STK35: variants seen among roughly 807,000 people sequenced by gnomAD.
STK35 encodes the protein serine/threonine kinase 35.
Under a neutral mutation model 37.3 loss-of-function variants are expected in STK35, and 17 were observed. That is an observed-to-expected ratio of 0.46 (90% confidence interval 0.31 to 0.68). The LOEUF is 0.68. Ranked by LOEUF, STK35 falls within the 30% of genes least tolerant of loss-of-function variation. The probability of loss-of-function intolerance (pLI) is 0.05; values close to 1 mark genes in which losing one functional copy is unlikely to be tolerated. For missense variants in STK35, 595 were observed against 746.7 expected (o/e 0.80, Z 2.37); for synonymous variants, 385 against 319.1 (o/e 1.21, Z -2.20).
intron 3 of STK35, among the ~76,000 whole-genome samples, chr20:2,136,333 C>T (rs1278922494): frequency 6.6e-6 from 1 of 152,334 alleles, no homozygotes; most frequent in South Asian, 2.1e-4. Context: ...AATCTGTAAT[C>T]CCTGCATGCC....
intron 2 of STK35, among the ~76,000 whole-genome samples, chr20:2,116,001 G>A (rs532759187): frequency 5.9e-5 from 9 of 152,126 alleles, no homozygotes; most frequent in East Asian, 3.9e-4. Context: ...GCCTGATGGC[G>A]ATGTACAGCT....
At chr20:2,127,581 T>G (rs1985927991) in intron 3 of STK35, among the ~76,000 whole-genome samples, 1 of 152,134 alleles carries the variant, frequency 6.6e-6, no homozygotes. Context: ...TTTAAAAATA[T>G]TTTGGAGTTT....
intron 3 of STK35, among the ~76,000 whole-genome samples, chr20:2,120,120 C>A (rs2122558505): frequency 6.6e-6 from 1 of 152,282 alleles, no homozygotes; most frequent in African/African-American, 2.4e-5. Context: ...ATGCTTTCTG[C>A]TTTTGAAAGA....
intron 3 of STK35, among the ~76,000 whole-genome samples, chr20:2,140,061 G>A (rs1051557082): frequency 3.3e-5 from 5 of 152,188 alleles, no homozygotes; most frequent in Admixed American, 3.3e-4. Context: ...AGCAACTCTG[G>A]TGTGGGGCAA....
Position 2,117,397 on chromosome 20 carries a change from T to C in STK35, c.*19T>C, listed in dbSNP as rs1368892231. The C allele has an allele frequency of 1.3e-6, 2 of 1,568,466 alleles. No homozygotes were observed. Among genetic ancestry groups the C allele is most frequent in the Non-Finnish European group, 1.7e-6 (2 of 1,153,458 alleles). On this transcript the variant is annotated 3_prime_UTR_variant, in exon 3 of 4. Coordinates refer to ENST00000381482, the MANE Select transcript of STK35 (RefSeq NM_080836.4). This position sits in a 1 kb window ranked among gnomAD's most constrained non-coding sequence, Gnocchi z 4.4. ...TGCTTAAAATTCAGGGCTAAGCATTTTGGGTGATTTTAAACTAGGTGAGTG... is the reference window on the plus strand; with the variant it reads ...TGCTTAAAATTCAGGGCTAAGCATTCTGGGTGATTTTAAACTAGGTGAGTG...
intron 3 of STK35, among the ~76,000 whole-genome samples, chr20:2,131,358 A>G (rs1985996400): frequency 6.6e-6 from 1 of 152,332 alleles, no homozygotes; most frequent in South Asian, 2.1e-4. Flanking sequence ...TTATGCCTAT[A>G]TTCCCAACAC....
At chr20:2,121,003 T>A (rs1342913739) in intron 3 of STK35, among the ~76,000 whole-genome samples, 2 of 151,938 alleles carry the variant, frequency 1.3e-5, no homozygotes, top group African/African-American at 4.8e-5. Context: ...AGGGAGTGAG[T>A]CCCAAGGATT....
chr20:2,124,033 GAGGTA>G (rs1416187233), intron 3 of STK35, among the ~76,000 whole-genome samples: 1 of 152,240 alleles, frequency 6.6e-6, no homozygotes, highest in African/African-American at 2.4e-5. Flanking sequence ...GAGCTAAGAA[GAGGTA>G]AAGCCTAGCC....
At chr20:2,109,633 T>G (rs1985580337) in intron 2 of STK35, among the ~76,000 whole-genome samples, 1 of 152,214 alleles carries the variant, frequency 6.6e-6, no homozygotes, top group Non-Finnish European at 1.5e-5. Flanking sequence ...GGCTGCCTTG[T>G]GACCGTGTTG....
intron 3 of STK35, among the ~76,000 whole-genome samples, chr20:2,133,018 C>T (rs16981910): frequency 0.12 from 18,721 of 152,190 alleles, 1,952 homozygotes; most frequent in African/African-American, 0.28. Flanking sequence ...AGGCTAATCA[C>T]ACGTTTTCAC....
chr20:2,147,243 C>G lies in STK35; in HGVS notation c.*3497C>G, dbSNP rs1407218946. On this transcript the variant is annotated 3_prime_UTR_variant, in exon 4 of 4. Transcript: ENST00000381482. ...ACCCTGTGGTGCTAGGACCACTCCCCGCCTTCCCTACGGCCTCCTCGCCCT... is the reference window on the plus strand; with the variant it reads ...ACCCTGTGGTGCTAGGACCACTCCCGGCCTTCCCTACGGCCTCCTCGCCCT... The G allele has an allele frequency of 6.5e-6, 1 of 152,916 alleles. No homozygotes were observed. Among genetic ancestry groups the G allele is most frequent in the Non-Finnish European group, 1.5e-5 (1 of 68,170 alleles). The allele number at this position is 152,916 out of a possible 1,614,324, so 9.5% of individuals were successfully genotyped here.
chr20:2,110,868 C>T (rs1301910946), intron 2 of STK35, among the ~76,000 whole-genome samples: 3 of 152,226 alleles, frequency 2.0e-5, no homozygotes, highest in African/African-American at 7.2e-5. Flanking sequence ...GGCACTAAGG[C>T]AGTCACAGTG....
chr20:2,101,937 TAA>T lies in STK35; in HGVS notation c.58_59del (p.Lys20GlufsTer4). On this transcript the variant is annotated frameshift_variant, in exon 1 of 4. Transcript: ENST00000381482. LOFTEE classifies it high-confidence loss of function. ...GCGCCGGCGGGAGGTGCAGCTTATGTAAAGAGGTTATGTAAAGGGCTCAGCTG... is the reference window on the plus strand; with the variant it reads ...GCGCCGGCGGGAGGTGCAGCTTATGTAGAGGTTATGTAAAGGGCTCAGCTG... 1 of 1,498,524 alleles carries T rather than the reference TAA, an allele frequency of 6.7e-7. No individual in the cohort carries two copies. Among genetic ancestry groups the T allele is most frequent in the East Asian group, 2.6e-5 (1 of 38,684 alleles). The allele number at this position is 1,498,524 out of a possible 1,614,324, so 92.8% of individuals were successfully genotyped here. A position where few individuals can be genotyped will look rare whatever the true frequency, so the allele number is the denominator to read the frequency against.
At chr20:2,105,649 G>T (rs1013058835) in intron 2 of STK35, among the ~76,000 whole-genome samples, 1 of 152,178 alleles carries the variant, frequency 6.6e-6, no homozygotes, top group South Asian at 2.1e-4. Context: ...GGTACATAGG[G>T]TCACTGTGCA....
Position 2,143,851 on chromosome 20 carries a change from G to A in STK35, c.*105G>A, listed in dbSNP as rs1190488775. 1 of 440,758 alleles carries A rather than the reference G, an allele frequency of 2.3e-6. No individual in the cohort carries two copies. The highest frequency in any genetic ancestry group is 2.6e-5 in the Admixed American group (1 of 38,088). The allele number at this position is 440,758 out of a possible 1,614,324, so 27.3% of individuals were successfully genotyped here. A position where few individuals can be genotyped will look rare whatever the true frequency, so the allele number is the denominator to read the frequency against. On this transcript the variant is annotated 3_prime_UTR_variant, in exon 4 of 4. Transcript: ENST00000381482. ...AGGACGGCAGAGGGTACAGGTGGTGGCCTGGCCGGTTGGCGATCTCCCGAC... is the reference window on the plus strand; with the variant it reads ...AGGACGGCAGAGGGTACAGGTGGTGACCTGGCCGGTTGGCGATCTCCCGAC...
chr20:2,141,803 A>G (rs1986176473), intron 3 of STK35, among the ~76,000 whole-genome samples: 2 of 152,174 alleles, frequency 1.3e-5, no homozygotes, highest in African/African-American at 4.8e-5. Context: ...TTTTGTCATA[A>G]TCTTCAAAAT....
intron 1 of STK35, 125 bp from the exon 2 acceptor site, chr20:2,102,643 C>T (rs1985417493): frequency 3.5e-6 from 3 of 860,082 alleles, no homozygotes; most frequent in African/African-American, 1.8e-5. Context: ...GTTCAATCAG[C>T]GGCGGTGGCT....
At chr20:2,105,413 C>T (rs1044224598) in intron 2 of STK35, among the ~76,000 whole-genome samples, 1 of 152,198 alleles carries the variant, frequency 6.6e-6, no homozygotes, top group Non-Finnish European at 1.5e-5. Context: ...CTCTTGCTTA[C>T]TCTCTCAACA....
intron 2 of STK35, 67 bp from the exon 3 acceptor site, chr20:2,116,599 C>G (rs1985721628): frequency 6.7e-7 from 1 of 1,503,438 alleles, no homozygotes; most frequent in South Asian, 1.3e-5. Context: ...ACACTGCATC[C>G]TTTAGTTAAA....
Sources: allele counts gnomAD v4.1 joint callset (sites outside exome capture counted in the v4.1 genomes callset), GRCh38; gene constraint gnomAD v4.1.1; non-coding constraint Gnocchi (gnomAD v3.1); transcripts MANE v1.5; gene names NCBI Gene and HGNC (gene_info 2026-07-23, HGNC 2026-07-21).